NCOR2: variants seen among roughly 807,000 people sequenced by gnomAD.
NCOR2 encodes CTG repeat protein 26.
In NCOR2, 81 loss-of-function variants were observed where a neutral mutation model predicts 262.9. That is an observed-to-expected ratio of 0.31 (90% CI 0.26 to 0.37). NCOR2 has a LOEUF of 0.37. NCOR2 is among the 10% of genes least tolerant of loss of function. The probability of loss-of-function intolerance (pLI) is 1.00; values close to 1 mark genes in which losing one functional copy is unlikely to be tolerated. For missense variants in NCOR2, 3,385 were observed against 3,621.4 expected (o/e 0.93, Z 1.68); for synonymous variants, 1,659 against 1,559.3 (o/e 1.06, Z -1.51).
At position 124,433,875 on chromosome 12, in the gene NCOR2, C is replaced by CAA. The variant is rs1301210324; in HGVS notation, c.883-3089_883-3088insTT. Among the ~76,000 whole-genome samples, 827 of 96,096 alleles carry CAA rather than the reference C, an allele frequency of 8.6e-3. 33 individuals are homozygous for CAA. Among genetic ancestry groups the CAA allele is most frequent in the African/African-American group, 0.022 (447 of 20,688 alleles). The allele number at this position is 96,096 out of a possible 152,430, so 63.0% of individuals were successfully genotyped here. A position where few individuals can be genotyped will look rare whatever the true frequency, so the allele number is the denominator to read the frequency against. ...ACACACACACACACACACACACACACACACACACACACACACACACACACG... is the reference window on the plus strand; with the variant it reads ...ACACACACACACACACACACACACACAAACACACACACACACACACACACACG... On this transcript the variant is annotated intron_variant, in intron 8 of 46. Coordinates refer to ENST00000405201, the Ensembl canonical transcript of NCOR2.
At chr12:124,396,623 C>G (rs150072955) in intron 16 of NCOR2, among the ~76,000 whole-genome samples, 1,527 of 152,294 alleles carry the variant, frequency 0.01, 24 homozygotes, top group African/African-American at 0.035. Flanking sequence ...GGCAGGCCCT[C>G]CTTCCTGAAT....
chr12:124,376,802 G>T (rs889762596), intron 18 of NCOR2, among the ~76,000 whole-genome samples: 1 of 152,226 alleles, frequency 6.6e-6, no homozygotes, highest in Admixed American at 6.5e-5. Flanking sequence ...GGCAGAGAGG[G>T]AGGGACAACA....
chr12:124,418,732 C>T (rs559774648), intron 13 of NCOR2, among the ~76,000 whole-genome samples: 3 of 152,302 alleles, frequency 2.0e-5, no homozygotes, highest in South Asian at 2.1e-4. Flanking sequence ...GTAGGCCACA[C>T]GTCTGGCTTG....
chr12:124,425,171 G>A (rs953905730), intron 11 of NCOR2, among the ~76,000 whole-genome samples: 1 of 152,142 alleles, frequency 6.6e-6, no homozygotes, highest in African/African-American at 2.4e-5. Context: ...TCAGGAGATC[G>A]AGACCATCCT....
chr12:124,415,276 A>G (rs1448093912), intron 13 of NCOR2, among the ~76,000 whole-genome samples: 1 of 152,218 alleles, frequency 6.6e-6, no homozygotes, highest in Non-Finnish European at 1.5e-5. Context: ...GGCCCACCCC[A>G]GGCCTGCTGT....
intron 6 of NCOR2, among the ~76,000 whole-genome samples, chr12:124,452,573 T>G (rs893008274): frequency 6.6e-6 from 1 of 152,236 alleles, no homozygotes; most frequent in Non-Finnish European, 1.5e-5. Flanking sequence ...GTTTGTCTTG[T>G]TTTGGTTTTA....
At chr12:124,374,237 G>A (rs946486785) in intron 19 of NCOR2, among the ~76,000 whole-genome samples, 176 bp downstream of exon 21, 1 of 152,246 alleles carries the variant, frequency 6.6e-6, no homozygotes, top group African/African-American at 2.4e-5. Flanking sequence ...CCCGGGACCA[G>A]CATGGGGAAC....
At chr12:124,528,918 G>A (rs773870102) in intron 1 of NCOR2, among the ~76,000 whole-genome samples, 13 of 152,186 alleles carry the variant, frequency 8.5e-5, no homozygotes, top group East Asian at 1.9e-4. Flanking sequence ...GGTGGCTCAC[G>A]CCTGTAATCC....
In NCOR2 at chr12:124,337,243, G is replaced by C. The variant is rs754369130; in HGVS notation, c.5688-63C>G. On this transcript the variant is annotated intron_variant, in intron 37 of 46. Coordinates refer to ENST00000405201, the Ensembl canonical transcript of NCOR2. ...GCTGCCCTCTTCCTCCACCACCCTC[G>C]ATGAGTCCCCATTGCCCTGGGATAA... 4.0e-6 allele frequency: 6 copies of C among 1,508,668 alleles called. No individual in the cohort carries two copies. In the South Asian group the frequency reaches 6.0e-5, roughly 15 times the overall value. 93.5% of individuals were successfully genotyped at this position (1,508,668 alleles called of 1,614,324 possible).
chr12:124,482,223 C>T lies in NCOR2; in HGVS notation c.411+1373G>A, dbSNP rs952957741. 3.3e-5 allele frequency among the ~76,000 whole-genome samples: 5 copies of T among 152,152 alleles called. No homozygotes were observed. Among genetic ancestry groups the T allele is most frequent in the Admixed American group, 1.3e-4 (2 of 15,278 alleles). On this transcript the variant is annotated intron_variant, in intron 3 of 46. Transcript: ENST00000405201. This position sits in a 1 kb window ranked among gnomAD's most constrained non-coding sequence, Gnocchi z 6.3. ...GTGGCAGGGAGGCCAAGCCAGCCAA[C>T]GACCACACAGACACCCCAGCCCCTC...
chr12:124,437,625 G>A (rs1055646426), intron 8 of NCOR2, among the ~76,000 whole-genome samples: 1 of 152,176 alleles, frequency 6.6e-6, no homozygotes, highest in Non-Finnish European at 1.5e-5. Flanking sequence ...TGCCTGAAAA[G>A]CCCAGGACAG....
chr12:124,402,613 G>C lies in NCOR2; in HGVS notation c.1483-52C>G, dbSNP rs80300465. 6,349 of 1,542,470 alleles carry C rather than the reference G, an allele frequency of 4.1e-3. 253 individuals carry two copies. In the East Asian group the frequency reaches 0.093, roughly 23 times the overall value. On this transcript the variant is annotated intron_variant, in intron 13 of 46. Coordinates refer to ENST00000405201, the Ensembl canonical transcript of NCOR2. ...GGGAGTGGGGAGGGAAGAAAACCGT[G>C]AACAGGTGAATCTCTGCACCTGGGC...
chr12:124,480,912 T>C (rs1288754038), intron 3 of NCOR2, among the ~76,000 whole-genome samples: 4 of 116,868 alleles, frequency 3.4e-5, no homozygotes, highest in African/African-American at 1.0e-4. Flanking sequence ...TGGGAGATGA[T>C]GGCAGGCAGA....
chr12:124,552,854 T>C (rs181564676), intron 1 of NCOR2, among the ~76,000 whole-genome samples: 20 of 151,848 alleles, frequency 1.3e-4, no homozygotes, highest in African/African-American at 4.8e-4. Flanking sequence ...GCTAGTTTTC[T>C]ATGTTTTTTA....
chr12:124,542,177 G>A (rs1471294709), intron 1 of NCOR2, among the ~76,000 whole-genome samples: 1 of 151,966 alleles, frequency 6.6e-6, no homozygotes. Context: ...AGGGCTTGGT[G>A]TCTGGACTCT....
At chr12:124,445,933 G>T (rs552236106) in intron 7 of NCOR2, among the ~76,000 whole-genome samples, 2 of 152,220 alleles carry the variant, frequency 1.3e-5, no homozygotes, top group Non-Finnish European at 2.9e-5. Flanking sequence ...CTGAGCCCTA[G>T]AGGGCAAGTG....
chr12:124,447,528 A>G (rs1441941070), intron 7 of NCOR2, among the ~76,000 whole-genome samples: 1 of 152,158 alleles, frequency 6.6e-6, no homozygotes, highest in Non-Finnish European at 1.5e-5. Context: ...CACTCACTTT[A>G]AGTGAAAAAA....
chr12:124,325,381 C>CGG, exon 47 of NCOR2: 3 of 380,670 alleles, frequency 7.9e-6, no homozygotes, highest in Non-Finnish European at 1.2e-5. Context: ...GACACCGCCC[C>CGG]CCCCCCCGCC....
chr12:124,413,582 T>C (rs1303977688), intron 13 of NCOR2, among the ~76,000 whole-genome samples: 1 of 152,104 alleles, frequency 6.6e-6, no homozygotes, highest in Non-Finnish European at 1.5e-5. Context: ...TCAGCAGAGA[T>C]GTGGCCTGGA....
Sources: gnomAD v4.1 joint callset for allele counts (sites outside exome capture counted in the v4.1 genomes callset) on GRCh38, gnomAD v4.1.1 for gene constraint, Gnocchi (gnomAD v3.1) non-coding constraint, MANE v1.5 for transcripts, NCBI Gene and HGNC (gene_info 2026-07-23, HGNC 2026-07-21) for gene names.